SPACA6: variants seen among roughly 807,000 people sequenced by gnomAD.
SPACA6 encodes the protein sperm acrosome membrane-associated protein 6.
For synonymous variants in SPACA6, 6 were observed against 1.5 expected (o/e 4.05, Z -2.21); for missense variants, 8 against 2.8 (o/e 2.88, Z -1.34).
chr19:51,693,745 G>C lies in SPACA6; in HGVS notation c.214+5G>C. On this transcript the variant is annotated splice_donor_5th_base_variant and intron_variant, in intron 1 of 8. Coordinates refer to ENST00000637797, the MANE Select transcript of SPACA6 (RefSeq NM_001316972.2). ...GCCTCTCTGACACCGAAATCAGTGA[G>C]GAGACCATCCACACTTCATCAGTGT... 1 of 407,518 alleles carries C rather than the reference G, an allele frequency of 2.5e-6. No homozygotes were observed. Among genetic ancestry groups the C allele is most frequent in the Non-Finnish European group, 4.4e-6 (1 of 229,830 alleles). 25.2% of individuals were successfully genotyped at this position (407,518 alleles called of 1,614,324 possible).
chr19:51,707,465 G>T (rs2083521343), downstream of SPACA6, among the ~76,000 whole-genome samples: 1 of 151,922 alleles, frequency 6.6e-6, no homozygotes, highest in African/African-American at 2.4e-5. Context: ...TCAAGTGATT[G>T]CCTGCCTCAG....
Position 51,703,624 on chromosome 19 carries a change from C to A in SPACA6, c.573+287C>A, listed in dbSNP as rs2083487848. Among the ~76,000 whole-genome samples the A allele has an allele frequency of 6.6e-6, 1 of 152,054 alleles. No individual in the cohort carries two copies. The highest frequency in any genetic ancestry group is 2.4e-5 in the African/African-American group (1 of 41,406). On this transcript the variant is annotated intron_variant, in intron 6 of 8. Coordinates refer to ENST00000637797, the MANE Select transcript of SPACA6 (RefSeq NM_001316972.2). The surrounding 1 kb of genome is among the most constrained non-coding windows in gnomAD (Gnocchi z 4.2). ...CCGGCCTCGGCAACAAATTAAGACC[C>A]CTCCTCTGCCAAAAAATTTTAAAAA...
chr19:51,686,258 C>T (rs1035674428), upstream of SPACA6: 1 of 152,218 alleles, frequency 6.6e-6, no homozygotes, highest in Non-Finnish European at 1.5e-5. Flanking sequence ...TTATTATTCA[C>T]TCATCTCCTC....
chr19:51,705,282 A>G (rs2083510121), downstream of SPACA6: 1 of 394,422 alleles, frequency 2.5e-6, no homozygotes, highest in Non-Finnish European at 4.5e-6. Flanking sequence ...GGCCCGCATA[A>G]TGACAGTGAT....
chr19:51,711,793 A>T (rs1247196471), intron 2 of SPACA6, among the ~76,000 whole-genome samples: 1 of 152,198 alleles, frequency 6.6e-6, no homozygotes, highest in East Asian at 1.9e-4. Flanking sequence ...AAAAGCACAT[A>T]CTGCAGGATT....
At position 51,700,749 on chromosome 19, in the gene SPACA6, A is replaced by G. The variant is rs529951028; in HGVS notation, c.293-909A>G. ...AAGTGATCATCATCTATATATAAAT[A>G]TATGTAATTGCAGACAGATGAGAGC... On this transcript the variant is annotated intron_variant, in intron 2 of 8. Coordinates refer to ENST00000637797, the MANE Select transcript of SPACA6 (RefSeq NM_001316972.2). 2.6e-5 allele frequency among the ~76,000 whole-genome samples: 4 copies of G among 152,296 alleles called. No individual in the cohort carries two copies. In the East Asian group the frequency reaches 7.7e-4, roughly 29 times the overall value.
rs1295181455 is a variant in SPACA6, at chr19:51,701,640, C to A, written c.293-18C>A. On this transcript the variant is annotated intron_variant, in intron 2 of 8. Transcript: ENST00000637797. ...GAAGGGCTTTACTACACAGGCCGTC[C>A]TCCCCTCCACTCTCCAGGATCCTTT... 4 of 398,796 alleles carry A rather than the reference C, an allele frequency of 1.0e-5. No homozygotes were observed. The highest frequency in any genetic ancestry group is 1.8e-5 in the Non-Finnish European group (4 of 225,984). The allele number at this position is 398,796 out of a possible 1,614,324, so 24.7% of individuals were successfully genotyped here.
At chr19:51,710,111 A>G (rs532987531), downstream of SPACA6, among the ~76,000 whole-genome samples, 267 of 152,344 alleles carry the variant, frequency 1.8e-3, no homozygotes, top group Middle Eastern at 3.4e-3. Context: ...GAAAAAAATC[A>G]ACTCAGGTAG....
intron 2 of SPACA6, among the ~76,000 whole-genome samples, chr19:51,696,377 T>A (rs1207781756): frequency 2.0e-5 from 3 of 152,172 alleles, no homozygotes; most frequent in African/African-American, 7.2e-5. Context: ...TAAAATATCT[T>A]AGTATCTTAG....
chr19:51,712,342 C>G (rs2083545916), exon 3 of SPACA6: 1 of 152,140 alleles, frequency 6.6e-6, no homozygotes, highest in South Asian at 2.1e-4. Flanking sequence ...TGAGTGAACT[C>G]TGTGCGAGAT....
upstream of SPACA6, among the ~76,000 whole-genome samples, chr19:51,691,073 T>G (rs2083367364): frequency 1.0e-5 from 1 of 96,684 alleles, no homozygotes; most frequent in African/African-American, 4.9e-5. Context: ...CCTCCGCCCC[T>G]TTCCCGCCTC....
the SPACA6 span, among the ~76,000 whole-genome samples, chr19:51,683,286 C>T: frequency 3.3e-5 from 5 of 152,134 alleles, no homozygotes. Context: ...ATATCTCTCT[C>T]CTTATCAGAT....
upstream of SPACA6, chr19:51,692,663 G>C (rs1224589958): frequency 3.8e-6 from 2 of 532,384 alleles, no homozygotes; most frequent in Admixed American, 2.0e-5. The surrounding 1 kb of genome is among the most constrained non-coding windows in gnomAD (Gnocchi z 5.6). Context: ...ACACAAGCTC[G>C]TGTCTGTGGG....
Position 51,694,472 on chromosome 19 carries a change from C to T in SPACA6, c.215-6C>T, listed in dbSNP as rs529890192. ...CCCCAGCCCCTGCTCCCTCCCTCAC[C>T]GCCAGACTATGATGAGAGAAGCCAC... On this transcript the variant is annotated splice_region_variant and splice_polypyrimidine_tract_variant and intron_variant, in intron 1 of 8. Coordinates refer to ENST00000637797, the MANE Select transcript of SPACA6 (RefSeq NM_001316972.2). 3.3e-5 allele frequency: 13 copies of T among 399,740 alleles called. No homozygotes were observed. Among genetic ancestry groups the T allele is most frequent in the Admixed American group, 1.3e-4 (3 of 22,742 alleles). 24.8% of individuals were successfully genotyped at this position (399,740 alleles called of 1,614,324 possible). A position where few individuals can be genotyped will look rare whatever the true frequency, so the allele number is the denominator to read the frequency against.
upstream of SPACA6, chr19:51,692,585 G>T (rs781059475): frequency 1.9e-6 from 1 of 518,248 alleles, no homozygotes; most frequent in Admixed American, 2.2e-5. The surrounding 1 kb of genome is among the most constrained non-coding windows in gnomAD (Gnocchi z 5.6). Context: ...GGGGAGGAGG[G>T]GCCGGGGGCC....
At chr19:51,707,421 A>G (rs1010165971), downstream of SPACA6, among the ~76,000 whole-genome samples, 8 of 151,916 alleles carry the variant, frequency 5.3e-5, no homozygotes, top group African/African-American at 1.4e-4. Flanking sequence ...CGGGGTTTCA[A>G]TATGTTGGCC....
intron 4 of SPACA6, 167 bp downstream of exon 4, chr19:51,702,819 G>GGT (rs1374255438): frequency 5.0e-6 from 2 of 398,390 alleles, no homozygotes; most frequent in Admixed American, 8.8e-5. Flanking sequence ...ATCCTCAGAA[G>GGT]GTGTGTGTGA....
Position 51,703,375 on chromosome 19 carries a change from G to A in SPACA6, c.573+38G>A. The A allele has an allele frequency of 2.5e-6, 1 of 399,112 alleles. No individual in the cohort carries two copies. Among genetic ancestry groups the A allele is most frequent in the Non-Finnish European group, 4.4e-6 (1 of 225,982 alleles). 24.7% of individuals were successfully genotyped at this position (399,112 alleles called of 1,614,324 possible). ...GGGGCCGGCGCGAAGAGTTTAGACG[G>A]GCGAGTTAGCCTTCACTAGAGGTTG... On this transcript the variant is annotated intron_variant, in intron 6 of 8. Transcript: ENST00000637797. This position sits in a 1 kb window ranked among gnomAD's most constrained non-coding sequence, Gnocchi z 4.2.
chr19:51,710,921 A>C (rs2083538424), intron 2 of SPACA6, among the ~76,000 whole-genome samples: 1 of 152,134 alleles, frequency 6.6e-6, no homozygotes, highest in South Asian at 2.1e-4. Context: ...CTCTACTAAA[A>C]ATACAAAAAT....
Sources: gnomAD v4.1 joint callset for allele counts (sites outside exome capture counted in the v4.1 genomes callset) on GRCh38, gnomAD v4.1.1 for gene constraint, Gnocchi (gnomAD v3.1) non-coding constraint, MANE v1.5 for transcripts, NCBI Gene and HGNC (gene_info 2026-07-23, HGNC 2026-07-21) for gene names.